The following ASIC2 variants were observed in gnomAD, a reference collection of about 807,000 sequenced individuals.
The protein encoded by ASIC2 is acid-sensing ion channel 2.
In ASIC2, 25 loss-of-function variants were observed where a neutral mutation model predicts 57.3. That is an observed-to-expected ratio of 0.44 (90% CI 0.32 to 0.61). ASIC2 has a LOEUF of 0.61. ASIC2 is among the 20% of genes least tolerant of loss of function. The pLI, the probability that ASIC2 is intolerant of heterozygous loss-of-function variation, is 0.06. For missense variants in ASIC2, 641 were observed against 738.1 expected, an observed-to-expected ratio of 0.87 and a Z score of 1.52; for synonymous variants, 319 against 307.5, an observed-to-expected ratio of 1.04 and a Z score of -0.39.
intron 1 of ASIC2, among the ~76,000 whole-genome samples, chr17:33,830,799 G>T (rs1488363800): frequency 6.6e-6 from 1 of 151,852 alleles, no homozygotes; most frequent in East Asian, 1.9e-4. Flanking sequence ...CCACTTATGG[G>T]AGTTATATTT....
chr17:33,672,518 T>C (rs1167506164), intron 1 of ASIC2, among the ~76,000 whole-genome samples: 2 of 152,158 alleles, frequency 1.3e-5, no homozygotes, highest in Non-Finnish European at 1.5e-5. Context: ...CCCAGTGCCT[T>C]TGATAGGGGC....
At chr17:33,927,809 C>T (rs142031153) in intron 1 of ASIC2, among the ~76,000 whole-genome samples, 58 of 152,250 alleles carry the variant, frequency 3.8e-4, no homozygotes, top group African/African-American at 1.3e-3. Context: ...ACAGTTCCTG[C>T]CCTCCCCTGC....
chr17:33,660,580 C>T (rs1907226076), intron 1 of ASIC2, among the ~76,000 whole-genome samples: 1 of 152,130 alleles, frequency 6.6e-6, no homozygotes, highest in Non-Finnish European at 1.5e-5. Context: ...ATAATAAATA[C>T]ATAAACCAGT....
At chr17:33,722,443 C>T (rs1909416578) in intron 1 of ASIC2, among the ~76,000 whole-genome samples, 1 of 152,008 alleles carries the variant, frequency 6.6e-6, no homozygotes, top group African/African-American at 2.4e-5. Flanking sequence ...TAAAAATGGG[C>T]AAAAGATTTC....
At chr17:33,554,324 A>G (rs1249329261) in intron 1 of ASIC2, among the ~76,000 whole-genome samples, 1 of 151,836 alleles carries the variant, frequency 6.6e-6, no homozygotes, top group African/African-American at 2.4e-5. Flanking sequence ...GAGAGATAGT[A>G]ATGGAGTTAG....
At chr17:33,577,978 GCTT>G (rs1869256570) in intron 1 of ASIC2, among the ~76,000 whole-genome samples, 1 of 151,930 alleles carries the variant, frequency 6.6e-6, no homozygotes, top group African/African-American at 2.4e-5. Flanking sequence ...CGCTTCTGTT[GCTT>G]ACTTGGGCTT....
intron 1 of ASIC2, among the ~76,000 whole-genome samples, chr17:33,501,964 G>C (rs1914112685): frequency 6.6e-6 from 1 of 152,174 alleles, no homozygotes; most frequent in African/African-American, 2.4e-5. Context: ...CACTGGGGAA[G>C]CCTGGGCCTG....
intron 1 of ASIC2, among the ~76,000 whole-genome samples, chr17:33,813,170 T>C (rs949123989): frequency 4.6e-5 from 7 of 151,982 alleles, no homozygotes; most frequent in Non-Finnish European, 1.0e-4. Flanking sequence ...AGAAATTAGA[T>C]TGGTAAACAA....
intron 1 of ASIC2, among the ~76,000 whole-genome samples, chr17:33,224,479 G>C (rs1378374414): frequency 3.3e-5 from 5 of 152,198 alleles, no homozygotes; most frequent in African/African-American, 1.2e-4. Flanking sequence ...GAAGGTGGAA[G>C]TGTGTCGATC....
intron 1 of ASIC2, among the ~76,000 whole-genome samples, chr17:33,863,698 C>G (rs1269193026): frequency 6.6e-6 from 1 of 152,156 alleles, no homozygotes; most frequent in African/African-American, 2.4e-5. Flanking sequence ...CTCTGTCAGT[C>G]CATCTGGTAT....
intron 1 of ASIC2, among the ~76,000 whole-genome samples, chr17:33,482,868 G>C (rs1187016653): frequency 6.6e-6 from 1 of 152,228 alleles, no homozygotes; most frequent in South Asian, 2.1e-4. Context: ...TGATTGAACA[G>C]ATGGTGGAAA....
chr17:34,115,860 T>C (rs1043208040), intron 1 of ASIC2, among the ~76,000 whole-genome samples: 67 of 152,202 alleles, frequency 4.4e-4, no homozygotes, highest in African/African-American at 1.6e-3. Flanking sequence ...AGAGTACATA[T>C]AACTACATAA....
intron 1 of ASIC2, among the ~76,000 whole-genome samples, chr17:33,511,012 A>G (rs1369336489): frequency 6.6e-6 from 1 of 152,192 alleles, no homozygotes; most frequent in Non-Finnish European, 1.5e-5. Flanking sequence ...CAATTATTAC[A>G]GATTTTCACA....
chr17:33,264,961 A>G (rs925453464), intron 1 of ASIC2, among the ~76,000 whole-genome samples: 4 of 152,260 alleles, frequency 2.6e-5, no homozygotes, highest in Non-Finnish European at 1.5e-5. Flanking sequence ...AGCCTAGCTA[A>G]GAACAGTTAA....
intron 1 of ASIC2, among the ~76,000 whole-genome samples, chr17:33,129,268 GT>G (rs1338210701): frequency 2.0e-5 from 3 of 152,192 alleles, no homozygotes; most frequent in Non-Finnish European, 1.5e-5. Flanking sequence ...CTGGGAAGAG[GT>G]TTGGTAAAGA....
chr17:33,070,225 ATGT>A (rs1243167276), intron 3 of ASIC2, among the ~76,000 whole-genome samples: 1 of 152,192 alleles, frequency 6.6e-6, no homozygotes, highest in Non-Finnish European at 1.5e-5. Context: ...AGTTCATAAT[ATGT>A]TGTTATTATT....
chr17:33,439,908 C>G (rs972860), intron 1 of ASIC2, among the ~76,000 whole-genome samples: 111,875 of 152,096 alleles, frequency 0.74, 41,677 homozygotes, highest in Middle Eastern at 0.79. Context: ...TGCGAGCGTG[C>G]ATGCAAGTCA....
intron 1 of ASIC2, among the ~76,000 whole-genome samples, chr17:33,130,218 C>T (rs1280113601): frequency 6.6e-6 from 1 of 152,106 alleles, no homozygotes; most frequent in East Asian, 1.9e-4. Context: ...GGTCAATGTA[C>T]ATGAATTTTT....
At chr17:33,301,815 T>C (rs1905970860) in intron 1 of ASIC2, among the ~76,000 whole-genome samples, 1 of 152,218 alleles carries the variant, frequency 6.6e-6, no homozygotes, top group South Asian at 2.1e-4. Context: ...GCACTTTCTC[T>C]GTTTTCTCCT....
Sources: gnomAD v4.1 joint callset for allele counts (sites outside exome capture counted in the v4.1 genomes callset) on GRCh38, gnomAD v4.1.1 for gene constraint, MANE v1.5 for transcripts, NCBI Gene and HGNC (gene_info 2026-07-23, HGNC 2026-07-21) for gene names.